The following RAD52 variants were observed in gnomAD, a reference collection of about 807,000 sequenced individuals.
The protein encoded by RAD52 is DNA repair protein RAD52 homolog.
A neutral mutation model predicts 55.5 loss-of-function variants in RAD52; 47 were observed. That is an observed-to-expected ratio of 0.85 (90% CI 0.67 to 1.08). RAD52 has a LOEUF of 1.08. Among genes scored for constraint, RAD52 ranks in the 50% least tolerant of loss-of-function variants. The probability of loss-of-function intolerance (pLI) is 0.00; values close to 1 mark genes in which losing one functional copy is unlikely to be tolerated. For missense variants in RAD52, 468 were observed against 522.8 expected, an observed-to-expected ratio of 0.90 and a Z score of 1.02; for synonymous variants, 184 against 198.9, an observed-to-expected ratio of 0.92 and a Z score of 0.63.
At chr12:990,843 C>T (rs1257045598), upstream of RAD52, among the ~76,000 whole-genome samples, 2 of 151,712 alleles carry the variant, frequency 1.3e-5, no homozygotes, top group African/African-American at 4.8e-5. Context: ...GGGCTTCCAG[C>T]GTCCACTTCC....
chr12:922,191 T>TAA (rs79763100), intron 7 of RAD52, among the ~76,000 whole-genome samples: 31,459 of 80,306 alleles, frequency 0.39, 6,346 homozygotes, highest in African/African-American at 0.55. Flanking sequence ...TAGGTTGGCT[T>TAA]AAAAAAAAAA....
intron 1 of RAD52, among the ~76,000 whole-genome samples, chr12:935,823 C>T (rs1334962884): frequency 1.3e-5 from 2 of 150,202 alleles, no homozygotes; most frequent in Admixed American, 6.6e-5. Flanking sequence ...ATTGCACTCC[C>T]GCCTGGGAAA....
intron 1 of RAD52, among the ~76,000 whole-genome samples, chr12:963,947 T>C (rs1414658687): frequency 6.6e-6 from 1 of 151,968 alleles, no homozygotes; most frequent in Non-Finnish European, 1.5e-5. Context: ...TGCAAATAAC[T>C]GAATGAAATG....
intron 1 of RAD52, among the ~76,000 whole-genome samples, chr12:944,768 T>TTCTG (rs1284068485): frequency 1.3e-5 from 2 of 149,316 alleles, no homozygotes; most frequent in African/African-American, 2.4e-5. Context: ...GCATTTTTCT[T>TTCTG]TCTTTTTTTT....
At chr12:937,152 A>G (rs926041283) in intron 1 of RAD52, among the ~76,000 whole-genome samples, 1 of 152,188 alleles carries the variant, frequency 6.6e-6, no homozygotes, top group Non-Finnish European at 1.5e-5. Context: ...TTGCCCTGGA[A>G]TGCAGTTATG....
chr12:927,936 A>T (rs1441398602), intron 5 of RAD52, among the ~76,000 whole-genome samples: 1 of 152,212 alleles, frequency 6.6e-6, no homozygotes, highest in East Asian at 1.9e-4. Flanking sequence ...GTCTGTAAGG[A>T]CGGGAGAGCA....
At chr12:989,800 TTC>T (rs1188850402) in intron 1 of RAD52, 1 of 152,248 alleles carries the variant, frequency 6.6e-6, no homozygotes, top group African/African-American at 2.4e-5. Flanking sequence ...TAGTTGAATT[TTC>T]TCTTACCTTA....
At chr12:982,198 T>G (rs1296502961) in intron 1 of RAD52, among the ~76,000 whole-genome samples, 1 of 51,816 alleles carries the variant, frequency 1.9e-5, no homozygotes, top group Non-Finnish European at 7.1e-5. Flanking sequence ...CCTTCTTTCC[T>G]TCTGTCCTGT....
rs1312617034 is a variant in RAD52 at position 914,042 on chromosome 12, TGCTCTAGACGAGG to T, written c.1034_1046del (p.Pro345GlnfsTer10). On this transcript the variant is annotated frameshift_variant, in exon 11 of 12. Transcript: ENST00000358495. LOFTEE classifies it high-confidence loss of function. The stretch of plus-strand genomic sequence containing the variant: ...ATGTGTCAGAGGTCTGGGCTGGGTC[TGCTCTAGACGAGG>T]GCTTGACCACACCATCCCCTGCATC... 2 of 1,614,102 alleles carry T rather than the reference TGCTCTAGACGAGG, an allele frequency of 1.2e-6. No homozygotes were observed. The highest frequency in any genetic ancestry group is 1.7e-6 in the Non-Finnish European group (2 of 1,180,044).
chr12:953,324 T>A (rs548339775), upstream of RAD52, among the ~76,000 whole-genome samples: 3 of 150,960 alleles, frequency 2.0e-5, no homozygotes, highest in African/African-American at 7.3e-5. Context: ...AAAATAAAAA[T>A]AAGAAAACAG....
intron 1 of RAD52, among the ~76,000 whole-genome samples, chr12:971,033 TC>T (rs1315511571): frequency 1.3e-5 from 2 of 152,190 alleles, no homozygotes; most frequent in Non-Finnish European, 2.9e-5. Flanking sequence ...ACCATTTTTT[TC>T]CATGGAATTT....
In RAD52 at chr12:927,114, A is replaced by T. The variant is rs762031516; in HGVS notation, c.467+31T>A. On this transcript the variant is annotated intron_variant, in intron 6 of 11. Coordinates refer to ENST00000358495, the MANE Select transcript of RAD52 (RefSeq NM_134424.4). The stretch of plus-strand genomic sequence containing the variant: ...CTGCTCTGAAGCAAGAGCTGAAATG[A>T]CGCAGGTTAGACTCCCAGCCCCGCG... 4 of 1,589,490 alleles carry T rather than the reference A, an allele frequency of 2.5e-6. No individual in the cohort carries two copies. In the East Asian group the frequency reaches 8.9e-5, roughly 36 times the overall value.
upstream of RAD52, among the ~76,000 whole-genome samples, chr12:953,015 GA>G (rs1195362872): frequency 1.3e-4 from 9 of 69,086 alleles, no homozygotes; most frequent in Non-Finnish European, 1.5e-4. Flanking sequence ...GAGGGGGAGG[GA>G]GGGAAGGGAG....
intron 2 of RAD52, among the ~76,000 whole-genome samples, 164 bp downstream of exon 2, chr12:932,792 CGTCAACGTACTAGGTACTG>C: frequency 6.6e-6 from 1 of 150,460 alleles, no homozygotes; most frequent in Non-Finnish European, 1.5e-5. Flanking sequence ...GCACGCACCG[CGTCAACGTACTAGGTACTG>C]CTCACACACG....
chr12:963,086 A>G (rs1958710047), intron 1 of RAD52, among the ~76,000 whole-genome samples: 1 of 152,190 alleles, frequency 6.6e-6, no homozygotes, highest in Non-Finnish European at 1.5e-5. Context: ...AGTGTAAATG[A>G]AATACTGAAA....
chr12:960,039 T>C (rs1267548941), intron 1 of RAD52, among the ~76,000 whole-genome samples: 1 of 152,176 alleles, frequency 6.6e-6, no homozygotes, highest in Non-Finnish European at 1.5e-5. Context: ...GGCACAGGCC[T>C]TATAAGCCAG....
chr12:982,967 A>C (rs1340306147), intron 1 of RAD52, among the ~76,000 whole-genome samples: 1 of 152,054 alleles, frequency 6.6e-6, no homozygotes, highest in Non-Finnish European at 1.5e-5. Flanking sequence ...CTCTTGCCTC[A>C]GCCTCCCCAG....
upstream of RAD52, among the ~76,000 whole-genome samples, chr12:952,270 A>AATTTT (rs2154120045): frequency 6.6e-6 from 1 of 152,160 alleles, no homozygotes; most frequent in South Asian, 2.1e-4. Flanking sequence ...GGCTAATTAA[A>AATTTT]AAAATTTTTT....
chr12:985,793 C>T (rs1959078184), intron 1 of RAD52, among the ~76,000 whole-genome samples: 1 of 151,904 alleles, frequency 6.6e-6, no homozygotes, highest in Non-Finnish European at 1.5e-5. Flanking sequence ...CAGGCGCCCA[C>T]CACCACGCCC....
Sources: allele counts gnomAD v4.1 joint callset (sites outside exome capture counted in the v4.1 genomes callset), GRCh38; gene constraint gnomAD v4.1.1; transcripts MANE v1.5; gene names NCBI Gene and HGNC (gene_info 2026-07-23, HGNC 2026-07-21).